The following DHRS2 variants were observed in gnomAD, a reference collection of about 807,000 sequenced individuals.
The protein encoded by DHRS2 is dehydrogenase/reductase SDR family member 2, mitochondrial.
A neutral mutation model predicts 26.3 loss-of-function variants in DHRS2; 29 were observed. The ratio of observed to expected loss-of-function variants is 1.10; its 90% confidence interval spans 0.82 to 1.50. DHRS2 has a LOEUF of 1.50. Among genes scored for constraint, DHRS2 ranks in the 40% most tolerant of loss-of-function variants. The pLI is 0.00. For missense variants in DHRS2, 439 were observed against 367.1 expected (o/e 1.20, Z -1.60); for synonymous variants, 164 against 151.3 (o/e 1.08, Z -0.62).
upstream of DHRS2, among the ~76,000 whole-genome samples, chr14:23,635,412 G>C (rs1270076520): frequency 6.6e-6 from 1 of 152,148 alleles, no homozygotes; most frequent in Non-Finnish European, 1.5e-5. Flanking sequence ...TTCCAGTTTG[G>C]AACATTCTAA....
chr14:23,639,423 C>T (rs1890530362), intron 3 of DHRS2, 67 bp downstream of exon 3: 3 of 1,481,344 alleles, frequency 2.0e-6, no homozygotes, highest in Non-Finnish European at 1.8e-6. Context: ...CACTGCTTGG[C>T]CCTTGTGGGG....
At chr14:23,639,409 C>T in intron 3 of DHRS2, 53 bp downstream of exon 3, 3 of 1,508,574 alleles carry the variant, frequency 2.0e-6, no homozygotes, top group Middle Eastern at 1.8e-4. Flanking sequence ...CAGAACCTTT[C>T]CTTCACTGCT....
rs745644304 is a variant in DHRS2 at position 23,644,416 on chromosome 14, G to A, written c.548G>A (p.Gly183Asp). Reference sequence around the variant, plus strand: ...TGTCAATTCCCTTCCCAGGCGCTGGGTGTCTACAATGTCAGCAAGACAGCG... The same window carrying A: ...TGTCAATTCCCTTCCCAGGCGCTGGATGTCTACAATGTCAGCAAGACAGCG... ...IAAYNPVVAL[G>D]VYNVSKTALL... The change falls in exon 7 of 9, where the codon GGT (glycine) becomes GAT (aspartate). Residue 183 changes from glycine to aspartate, a missense_variant. Physicochemically the swap from Gly to Asp is moderately conservative, Grantham distance 94 (BLOSUM62 -1). Coordinates refer to ENST00000250383, the MANE Select transcript of DHRS2 (RefSeq NM_005794.4). 1.9e-6 allele frequency: 3 copies of A among 1,614,006 alleles called. No homozygotes were observed. Among genetic ancestry groups the A allele is most frequent in the East Asian group, 2.2e-5 (1 of 44,898 alleles).
rs1490378726 is a variant in DHRS2 at position 23,636,528 on chromosome 14, T to C, written c.-283T>C. On this transcript the variant is annotated 5_prime_UTR_variant, in exon 1 of 9. The change abolishes an upstream ATG in the 5' untranslated region. Transcript: ENST00000250383. ...CTCCTGGGGCCAGCAAGACCACGAATGCACCGAGAGGAATGAACAACTCTG... is the reference window on the plus strand; with the variant it reads ...CTCCTGGGGCCAGCAAGACCACGAACGCACCGAGAGGAATGAACAACTCTG... 1.3e-5 allele frequency: 2 copies of C among 152,058 alleles called. No individual in the cohort carries two copies. The highest frequency in any genetic ancestry group is 3.9e-4 in the East Asian group (2 of 5,186). 9.4% of individuals were successfully genotyped at this position (152,058 alleles called of 1,614,324 possible).
chr14:23,640,616 G>A (rs1890613224), intron 4 of DHRS2: 1 of 210,048 alleles, frequency 4.8e-6, no homozygotes, highest in Non-Finnish European at 8.3e-6. Flanking sequence ...TTCTGCTATT[G>A]TGAGCATTCA....
At chr14:23,636,190 G>A (rs1396951005), upstream of DHRS2, 1 of 152,114 alleles carries the variant, frequency 6.6e-6, no homozygotes, top group African/African-American at 2.4e-5. Flanking sequence ...CTAGCTAAAG[G>A]TTTGTAAATG....
intron 1 of DHRS2, among the ~76,000 whole-genome samples, chr14:23,637,538 CTCT>C (rs989035725): frequency 7.9e-5 from 12 of 151,232 alleles, no homozygotes; most frequent in African/African-American, 1.2e-4. Context: ...CCTCAGGTTA[CTCT>C]TCTTCATTTT....
intron 4 of DHRS2, chr14:23,642,097 T>G (rs944938605): frequency 2.8e-6 from 3 of 1,059,020 alleles, no homozygotes; most frequent in Non-Finnish European, 3.4e-6. Context: ...AGATTCAGAC[T>G]TTAGTCACAA....
chr14:23,644,056 C>A (rs1890771768), intron 5 of DHRS2, 55 bp from the exon 6 acceptor site: 2 of 1,547,742 alleles, frequency 1.3e-6, no homozygotes, highest in Non-Finnish European at 1.8e-6. Context: ...ATGATAGTGT[C>A]ACCATCAGTG....
rs772684515 is a variant in DHRS2 at position 23,644,817 on chromosome 14, C to T, written c.676-10C>T. On this transcript the variant is annotated splice_polypyrimidine_tract_variant and intron_variant, in intron 7 of 8. Coordinates refer to ENST00000250383, the MANE Select transcript of DHRS2 (RefSeq NM_005794.4). Reference sequence around the variant, plus strand: ...TAGCACTGACTCCTTCATTTCTTCCCTTTGCCCAGTTTCATGGGAATGAGT... The same window carrying T: ...TAGCACTGACTCCTTCATTTCTTCCTTTTGCCCAGTTTCATGGGAATGAGT... 2 of 1,614,172 alleles carry T rather than the reference C, an allele frequency of 1.2e-6. No homozygotes were observed. Among genetic ancestry groups the T allele is most frequent in the East Asian group, 2.2e-5 (1 of 44,884 alleles).
upstream of DHRS2, among the ~76,000 whole-genome samples, chr14:23,632,268 T>C (rs970053659): frequency 6.6e-6 from 1 of 152,168 alleles, no homozygotes; most frequent in Non-Finnish European, 1.5e-5. Flanking sequence ...GGCATAACAA[T>C]GTTCAGAATC....
At chr14:23,641,452 A>G (rs1890664647) in intron 4 of DHRS2, 1 of 430,292 alleles carries the variant, frequency 2.3e-6, no homozygotes, top group Non-Finnish European at 4.0e-6. Context: ...ACTCTCTCTT[A>G]CTTTCTAATG....
At chr14:23,643,995 A>T in intron 5 of DHRS2, 116 bp from the exon 6 acceptor site, 1 of 1,035,008 alleles carries the variant, frequency 9.7e-7, no homozygotes, top group Non-Finnish European at 1.5e-6. Flanking sequence ...AGATGGGGAC[A>T]GTAATAGGAC....
upstream of DHRS2, among the ~76,000 whole-genome samples, chr14:23,633,586 C>T (rs1271473398): frequency 1.3e-5 from 2 of 152,156 alleles, no homozygotes; most frequent in African/African-American, 4.8e-5. Flanking sequence ...GCTCACCAGC[C>T]TTATTGAGCA....
chr14:23,631,546 C>T (rs1890118400), upstream of DHRS2, among the ~76,000 whole-genome samples: 2 of 150,026 alleles, frequency 1.3e-5, no homozygotes, highest in African/African-American at 5.1e-5. Flanking sequence ...TTTTCTTCCT[C>T]TACCCCCCCC....
At chr14:23,632,560 C>T (rs1340684793), upstream of DHRS2, among the ~76,000 whole-genome samples, 1 of 152,232 alleles carries the variant, frequency 6.6e-6, no homozygotes, top group Non-Finnish European at 1.5e-5. Context: ...ACACTGAGTA[C>T]AGACTGATAT....
chr14:23,639,704 C>A (rs1890546332), intron 3 of DHRS2, 90 bp from the exon 4 acceptor site: 23 of 1,375,884 alleles, frequency 1.7e-5, no homozygotes, highest in Non-Finnish European at 2.2e-5. Context: ...GCTCTGCAAG[C>A]TTTGCCTGAA....
intron 8 of DHRS2, 129 bp downstream of exon 8, chr14:23,645,011 T>G: frequency 6.4e-7 from 1 of 1,559,822 alleles, no homozygotes; most frequent in Non-Finnish European, 8.8e-7. Flanking sequence ...CACATGGCCC[T>G]GGAGGGTGCA....
chr14:23,639,045 G>T, intron 2 of DHRS2, 41 bp downstream of exon 2: 2 of 1,603,472 alleles, frequency 1.2e-6, no homozygotes, highest in Non-Finnish European at 1.7e-6. Context: ...CCCTCACAGG[G>T]TCCTTGTGGC....
Sources: allele counts gnomAD v4.1 joint callset (sites outside exome capture counted in the v4.1 genomes callset), GRCh38; gene constraint gnomAD v4.1.1; transcripts MANE v1.5; gene names NCBI Gene and HGNC (gene_info 2026-07-23, HGNC 2026-07-21).